TECRL: variants seen among roughly 807,000 people sequenced by gnomAD.
The protein encoded by TECRL is trans-2,3-enoyl-CoA reductase like.
In TECRL, 63 loss-of-function variants were observed where a neutral mutation model predicts 52.8. The observed-to-expected ratio is 1.19, with a 90% confidence interval of 0.97 to 1.47. The LOEUF is 1.47. TECRL is among the 40% of genes most tolerant of loss of function. The probability of loss-of-function intolerance (pLI) is 0.00; values close to 1 mark genes in which losing one functional copy is unlikely to be tolerated. For missense variants in TECRL, 482 were observed against 429.6 expected (o/e 1.12, Z -1.08); for synonymous variants, 164 against 141.9 (o/e 1.16, Z -1.10).
At chr4:64,398,262 T>A (rs1724102257) in intron 1 of TECRL, among the ~76,000 whole-genome samples, 1 of 152,186 alleles carries the variant, frequency 6.6e-6, no homozygotes, top group Non-Finnish European at 1.5e-5. Flanking sequence ...AGAAAACTCA[T>A]ATCATTAAAT....
At chr4:64,318,351 G>T (rs1438878613) in intron 4 of TECRL, among the ~76,000 whole-genome samples, 3 of 151,998 alleles carry the variant, frequency 2.0e-5, no homozygotes, top group East Asian at 3.9e-4. Flanking sequence ...ACTTTGAAAA[G>T]AAAAATATTG....
chr4:64,400,591 T>C (rs1724283431), intron 1 of TECRL, among the ~76,000 whole-genome samples: 1 of 152,102 alleles, frequency 6.6e-6, no homozygotes, highest in Admixed American at 6.5e-5. Flanking sequence ...AGGTGGGGCC[T>C]GGTGGGAAGT....
At chr4:64,328,680 G>T in intron 2 of TECRL, 124 bp from the exon 3 acceptor site, 2 of 725,750 alleles carry the variant, frequency 2.8e-6, no homozygotes, top group Admixed American at 5.2e-5. Context: ...TCTAGTGTCA[G>T]AAATAGAAAT....
chr4:64,334,927 A>G (rs1342868861), intron 2 of TECRL, among the ~76,000 whole-genome samples: 1 of 152,206 alleles, frequency 6.6e-6, no homozygotes, highest in Non-Finnish European at 1.5e-5. Flanking sequence ...AAGATTGGTC[A>G]TCATAACTAT....
intron 2 of TECRL, among the ~76,000 whole-genome samples, chr4:64,362,472 T>A (rs1721265537): frequency 6.6e-6 from 1 of 151,810 alleles, no homozygotes; most frequent in African/African-American, 2.4e-5. Flanking sequence ...GCAGGTCACA[T>A]TGAAAGATAA....
chr4:64,345,414 G>A (rs1214274717), intron 2 of TECRL, among the ~76,000 whole-genome samples: 3 of 151,826 alleles, frequency 2.0e-5, no homozygotes, highest in Non-Finnish European at 4.4e-5. Context: ...CATGGATGAA[G>A]CTGGAAACCA....
At chr4:64,302,161 T>G (rs1724060618) in intron 7 of TECRL, among the ~76,000 whole-genome samples, 1 of 151,412 alleles carries the variant, frequency 6.6e-6, no homozygotes, top group Non-Finnish European at 1.5e-5. Context: ...TATTTAACTA[T>G]TATTCAAGAA....
chr4:64,326,351 A>G (rs1718260793), intron 3 of TECRL, among the ~76,000 whole-genome samples: 1 of 152,224 alleles, frequency 6.6e-6, no homozygotes, highest in African/African-American at 2.4e-5. Context: ...TTACCAGATT[A>G]TATGACAGAT....
At chr4:64,355,895 G>A (rs1008393050) in intron 2 of TECRL, among the ~76,000 whole-genome samples, 1 of 151,872 alleles carries the variant, frequency 6.6e-6, no homozygotes, top group African/African-American at 2.4e-5. Flanking sequence ...AAAAGAAAGA[G>A]AGATCAGGCT....
At chr4:64,384,982 G>A (rs1723075953) in intron 1 of TECRL, among the ~76,000 whole-genome samples, 1 of 152,216 alleles carries the variant, frequency 6.6e-6, no homozygotes, top group South Asian at 2.1e-4. Flanking sequence ...GTGGTGGGCA[G>A]TGCAGACCAG....
chr4:64,318,899 G>A (rs1436493368), intron 4 of TECRL, among the ~76,000 whole-genome samples: 1 of 151,794 alleles, frequency 6.6e-6, no homozygotes, highest in Non-Finnish European at 1.5e-5. Flanking sequence ...TAAGTCTAAA[G>A]GATAAAGTAT....
intron 4 of TECRL, among the ~76,000 whole-genome samples, chr4:64,315,294 G>C (rs1202079901): frequency 6.6e-6 from 1 of 152,204 alleles, no homozygotes; most frequent in African/African-American, 2.4e-5. Flanking sequence ...GAGTCTGGTT[G>C]TATGGTTAAA....
At chr4:64,327,592 A>G (rs1296562682) in intron 3 of TECRL, among the ~76,000 whole-genome samples, 2 of 152,072 alleles carry the variant, frequency 1.3e-5, no homozygotes, top group Non-Finnish European at 2.9e-5. Flanking sequence ...TGAACATTTG[A>G]GCAAAAATAA....
At chr4:64,305,100 C>T in intron 7 of TECRL, 66 bp downstream of exon 7, 1 of 1,124,340 alleles carries the variant, frequency 8.9e-7, no homozygotes, top group Non-Finnish European at 1.3e-6. Flanking sequence ...TTATGTATGT[C>T]ATTTAGAATA....
chr4:64,365,219 AAG>A (rs1440448314), intron 2 of TECRL, among the ~76,000 whole-genome samples: 5 of 151,600 alleles, frequency 3.3e-5, no homozygotes, highest in African/African-American at 1.2e-4. Flanking sequence ...AAAAAAAAAA[AAG>A]CTATACATAA....
At chr4:64,342,911 CTA>C (rs1719689314) in intron 2 of TECRL, among the ~76,000 whole-genome samples, 1 of 151,886 alleles carries the variant, frequency 6.6e-6, no homozygotes, top group African/African-American at 2.4e-5. Context: ...AAAAATAACA[CTA>C]TGAAAATACA....
intron 9 of TECRL, among the ~76,000 whole-genome samples, chr4:64,285,494 C>A (rs1723035082): frequency 6.6e-6 from 1 of 152,024 alleles, no homozygotes; most frequent in East Asian, 1.9e-4. Flanking sequence ...CATAACCATG[C>A]CTAAAGCACA....
intron 1 of TECRL, 118 bp downstream of exon 1, chr4:64,408,998 TAA>T (rs1724914048): frequency 3.2e-6 from 3 of 937,236 alleles, no homozygotes; most frequent in African/African-American, 1.7e-5. Flanking sequence ...AAAATTAAGG[TAA>T]AAGTCAGAAA....
chr4:64,295,780 AAGTT>A (rs1464395996), intron 8 of TECRL, among the ~76,000 whole-genome samples: 8 of 151,918 alleles, frequency 5.3e-5, no homozygotes, highest in Non-Finnish European at 1.0e-4. Flanking sequence ...AGTTTGGAGT[AAGTT>A]AGTCGTAGCT....
Sources: gnomAD v4.1 joint callset for allele counts (sites outside exome capture counted in the v4.1 genomes callset) on GRCh38, gnomAD v4.1.1 for gene constraint, MANE v1.5 for transcripts, NCBI Gene and HGNC (gene_info 2026-07-23, HGNC 2026-07-21) for gene names.